Variants in ERBB4 observed in about 807,000 individuals in gnomAD.
The protein encoded by ERBB4 is receptor tyrosine-protein kinase erbB-4.
Under a neutral mutation model 158.0 loss-of-function variants are expected in ERBB4, and 42 were observed. The ratio of observed to expected loss-of-function variants is 0.27; its 90% CI spans 0.21 to 0.34. The LOEUF is 0.34. Ranked by LOEUF, ERBB4 falls within the 10% of genes least tolerant of loss-of-function variation. The probability of loss-of-function intolerance (pLI) is 1.00; values close to 1 mark genes in which losing one functional copy is unlikely to be tolerated. For missense variants in ERBB4, 1,333 were observed against 1,624.1 expected (o/e 0.82, Z 3.08); for synonymous variants, 583 against 558.7 (o/e 1.04, Z -0.61).
Position 211,623,962 on chromosome 2 carries a change from AC to A in ERBB4, c.2161del (p.Val721Ter). On this transcript the variant is annotated frameshift_variant, in exon 18 of 28. Transcript: ENST00000342788. LOFTEE classifies it high-confidence loss of function. ...RILKETELKR[V>X]KVLGSGAFGT... Reference sequence around the variant, plus strand: ...AAAAGCACCTGAGCCAAGGACTTTTACCCTCTTCAGCTCAGTTTCTTTCAAA... The same window carrying A: ...AAAAGCACCTGAGCCAAGGACTTTTACCTCTTCAGCTCAGTTTCTTTCAAA... 1 of 1,614,144 alleles carries A rather than the reference AC, an allele frequency of 6.2e-7. No individual in the cohort carries two copies. Among genetic ancestry groups the A allele is most frequent in the East Asian group, 2.2e-5 (1 of 44,882 alleles).
intron 2 of ERBB4, among the ~76,000 whole-genome samples, chr2:211,952,208 A>G (rs1403189466): frequency 6.6e-6 from 1 of 152,092 alleles, no homozygotes. Context: ...AGGTATTCCT[A>G]TAGTCTTTCT....
intron 2 of ERBB4, among the ~76,000 whole-genome samples, chr2:211,979,020 A>G (rs1239907923): frequency 6.6e-6 from 1 of 152,224 alleles, no homozygotes; most frequent in Non-Finnish European, 1.5e-5. Context: ...TCTAGTTCTT[A>G]GAAAAATGAG....
At chr2:211,815,505 A>T (rs577914900) in intron 3 of ERBB4, among the ~76,000 whole-genome samples, 149 of 152,332 alleles carry the variant, frequency 9.8e-4, no homozygotes, top group African/African-American at 3.3e-3. Context: ...ATAACAAAAT[A>T]AAAAGGAGAT....
At chr2:212,344,514 A>AT (rs1037445714) in intron 1 of ERBB4, among the ~76,000 whole-genome samples, 17 of 152,186 alleles carry the variant, frequency 1.1e-4, no homozygotes, top group Middle Eastern at 3.4e-3. Context: ...GTGTGCATAT[A>AT]TATGTATGTG....
At chr2:211,412,467 C>A (rs1203731239) in intron 25 of ERBB4, among the ~76,000 whole-genome samples, 1 of 152,120 alleles carries the variant, frequency 6.6e-6, no homozygotes, top group Admixed American at 6.5e-5. Context: ...ACCTCTTAAA[C>A]TGATTTAGCT....
At chr2:212,074,115 A>G (rs2078206807) in intron 2 of ERBB4, among the ~76,000 whole-genome samples, 1 of 151,988 alleles carries the variant, frequency 6.6e-6, no homozygotes, top group Non-Finnish European at 1.5e-5. Flanking sequence ...GTAGGCAAAA[A>G]TTCTGCCAAA....
intron 2 of ERBB4, among the ~76,000 whole-genome samples, chr2:211,966,591 A>G (rs1161604605): frequency 6.6e-6 from 1 of 152,184 alleles, no homozygotes; most frequent in Non-Finnish European, 1.5e-5. Flanking sequence ...TCTCTTAGCA[A>G]CAGGAAGCTA....
At chr2:212,061,181 G>A (rs564882842) in intron 2 of ERBB4, among the ~76,000 whole-genome samples, 1 of 151,832 alleles carries the variant, frequency 6.6e-6, no homozygotes, top group South Asian at 2.1e-4. Context: ...TGGAGGCCCA[G>A]TGCAGTGGTT....
intron 26 of ERBB4, 119 bp from the exon 27 acceptor site, chr2:211,387,269 T>C: frequency 1.1e-6 from 1 of 895,960 alleles, no homozygotes; most frequent in Non-Finnish European, 1.8e-6. Flanking sequence ...TAGTATTTAC[T>C]GGTTTTTTTT....
chr2:212,153,264 C>T (rs1386329992), intron 1 of ERBB4, among the ~76,000 whole-genome samples: 2 of 152,040 alleles, frequency 1.3e-5, no homozygotes, highest in African/African-American at 4.8e-5. Flanking sequence ...TACTTTAAAC[C>T]CATATTAACT....
chr2:211,561,644 C>T (rs1282385743), intron 20 of ERBB4: 1 of 475,822 alleles, frequency 2.1e-6, no homozygotes, highest in African/African-American at 2.0e-5. Context: ...ACAATTCCTC[C>T]CCCTGACTAC....
At chr2:212,364,294 A>G (rs111508668) in intron 1 of ERBB4, among the ~76,000 whole-genome samples, 1 of 151,748 alleles carries the variant, frequency 6.6e-6, no homozygotes, top group African/African-American at 2.4e-5. Flanking sequence ...TGCTTTTCCA[A>G]GTTGTCCTGT....
chr2:212,014,327 A>G (rs2076458679), intron 2 of ERBB4, among the ~76,000 whole-genome samples: 1 of 152,106 alleles, frequency 6.6e-6, no homozygotes, highest in Non-Finnish European at 1.5e-5. Context: ...TCCATTGCAA[A>G]CTCTACTCTT....
chr2:212,178,343 G>A (rs1472774460), intron 1 of ERBB4, among the ~76,000 whole-genome samples: 1 of 151,556 alleles, frequency 6.6e-6, no homozygotes, highest in South Asian at 2.1e-4. Flanking sequence ...TCAGACAAGA[G>A]ATGATGTTAG....
At chr2:211,424,082 G>T in intron 23 of ERBB4, 73 bp downstream of exon 23, 1 of 1,408,456 alleles carries the variant, frequency 7.1e-7, no homozygotes, top group Non-Finnish European at 1.0e-6. Flanking sequence ...GAGAAATGTT[G>T]TACAGATTGA....
intron 2 of ERBB4, among the ~76,000 whole-genome samples, chr2:211,969,071 A>G (rs2081382690): frequency 6.6e-6 from 1 of 152,032 alleles, no homozygotes. Context: ...AAATTCTTGA[A>G]TCAAAACAGA....
chr2:212,446,591 G>GTATATATATA lies in ERBB4; in HGVS notation c.82+91848_82+91857dup, dbSNP rs71057412. Among the ~76,000 whole-genome samples, 168 of 27,432 alleles carry GTATATATATA rather than the reference G, an allele frequency of 6.1e-3. 23 individuals are homozygous for GTATATATATA. The highest frequency in any genetic ancestry group is 7.8e-3 in the Admixed American group (13 of 1,670). The allele number at this position is 27,432 out of a possible 152,430, so 18.0% of individuals were successfully genotyped here. On this transcript the variant is annotated intron_variant, in intron 1 of 27. Coordinates refer to ENST00000342788, the MANE Select transcript of ERBB4 (RefSeq NM_005235.3). ...TTAATAAACTCCCATATATATATAT[G>GTATATATATA]TATATATATATATATATATATATAT...
intron 25 of ERBB4, among the ~76,000 whole-genome samples, chr2:211,406,136 C>T (rs2063142854): frequency 1.3e-5 from 2 of 152,154 alleles, no homozygotes; most frequent in South Asian, 4.1e-4. Flanking sequence ...GCTTAAAAAC[C>T]CTTATTTGCT....
chr2:211,389,579 T>C (rs1433972705), intron 25 of ERBB4, among the ~76,000 whole-genome samples: 2 of 152,190 alleles, frequency 1.3e-5, no homozygotes, highest in African/African-American at 2.4e-5. Flanking sequence ...TCTATTTTCT[T>C]CTTTAGTAAC....
Sources: gnomAD v4.1 joint callset for allele counts (sites outside exome capture counted in the v4.1 genomes callset) on GRCh38, gnomAD v4.1.1 for gene constraint, MANE v1.5 for transcripts, NCBI Gene and HGNC (gene_info 2026-07-23, HGNC 2026-07-21) for gene names.